EPHA6: variants seen among roughly 807,000 people sequenced by gnomAD.
EPHA6 encodes the protein EPH receptor A6.
In EPHA6, 50 loss-of-function variants were observed where a neutral mutation model predicts 112.0. The observed-to-expected ratio is 0.45, with a 90% CI of 0.36 to 0.56. EPHA6 has a LOEUF of 0.56. Ranked by LOEUF, EPHA6 falls within the 20% of genes least tolerant of loss-of-function variation. The pLI, the probability that EPHA6 is intolerant of heterozygous loss-of-function variation, is 0.00. For missense variants in EPHA6, 1,280 were observed against 1,417.4 expected (o/e 0.90, Z 1.56); for synonymous variants, 529 against 490.7 (o/e 1.08, Z -1.03).
intron 5 of EPHA6, among the ~76,000 whole-genome samples, chr3:97,342,617 T>A (rs1261297897): frequency 6.6e-6 from 1 of 152,226 alleles, no homozygotes; most frequent in Admixed American, 6.5e-5. Flanking sequence ...TATTTCCAGA[T>A]GGAGCATTTA....
chr3:96,876,954 A>G (rs564039262), intron 2 of EPHA6, among the ~76,000 whole-genome samples: 25 of 152,228 alleles, frequency 1.6e-4, no homozygotes, highest in African/African-American at 5.8e-4. Flanking sequence ...TTAAATGTCT[A>G]TCTTTTACCA....
At chr3:96,882,060 A>G (rs1397230679) in intron 2 of EPHA6, among the ~76,000 whole-genome samples, 2 of 152,116 alleles carry the variant, frequency 1.3e-5, no homozygotes, top group Non-Finnish European at 2.9e-5. Context: ...TTCCAGGTGT[A>G]TGGTCTTTCT....
intron 6 of EPHA6, among the ~76,000 whole-genome samples, chr3:97,438,761 G>T (rs1309596212): frequency 6.6e-6 from 1 of 152,126 alleles, no homozygotes; most frequent in African/African-American, 2.4e-5. Context: ...TTAAAAGAAA[G>T]AAACAATGCT....
chr3:97,640,865 C>T (rs187043977), intron 14 of EPHA6, among the ~76,000 whole-genome samples: 140 of 151,892 alleles, frequency 9.2e-4, no homozygotes, highest in African/African-American at 3.2e-3. Flanking sequence ...GCAGACAGAC[C>T]AGTTAGGCAT....
chr3:97,659,451 C>T (rs1476434176), intron 14 of EPHA6, among the ~76,000 whole-genome samples: 1 of 151,906 alleles, frequency 6.6e-6, no homozygotes, highest in Admixed American at 6.6e-5. Flanking sequence ...TCCCACAGGG[C>T]AAGAGGGCAA....
chr3:97,532,407 A>G lies in EPHA6; in HGVS notation c.2250A>G (p.Arg750=), dbSNP rs1205808459. 1 of 1,612,614 alleles carries G rather than the reference A, an allele frequency of 6.2e-7. No individual in the cohort carries two copies. The highest frequency in any genetic ancestry group is 8.5e-7 in the Non-Finnish European group (1 of 1,178,972). Residue 750 remains arginine (R), a synonymous_variant, in exon 11 of 18, where the codon AGA becomes AGG. Transcript: ENST00000389672. ...CSGRLKTPGK[R]EIPVAIKTLK... is the part of the protein sequence containing the mutation. ...GGCGTTTGAAGACACCAGGGAAAAGAGAGATCCCAGTTGCCATTAAAACTT... is the reference window on the plus strand; with the variant it reads ...GGCGTTTGAAGACACCAGGGAAAAGGGAGATCCCAGTTGCCATTAAAACTT...
At chr3:96,975,972 T>C (rs1372599249) in intron 2 of EPHA6, among the ~76,000 whole-genome samples, 1 of 152,106 alleles carries the variant, frequency 6.6e-6, no homozygotes, top group East Asian at 1.9e-4. Flanking sequence ...GATTGAGGAG[T>C]TGTAATGTTT....
At chr3:97,128,879 T>C (rs956187653) in intron 3 of EPHA6, among the ~76,000 whole-genome samples, 2 of 141,602 alleles carry the variant, frequency 1.4e-5, no homozygotes, top group African/African-American at 5.9e-5. Context: ...TGTCTTTTTT[T>C]TTTTTTTTTT....
chr3:97,104,191 G>A (rs1052375488), intron 3 of EPHA6, among the ~76,000 whole-genome samples: 1 of 152,108 alleles, frequency 6.6e-6, no homozygotes, highest in Non-Finnish European at 1.5e-5. Context: ...GTGTTGAATA[G>A]GAGTGGTGAG....
chr3:97,121,125 C>T (rs754093444), intron 3 of EPHA6, among the ~76,000 whole-genome samples: 3 of 151,958 alleles, frequency 2.0e-5, no homozygotes, highest in Non-Finnish European at 4.4e-5. Flanking sequence ...TTTCCTAAAG[C>T]ATGAAACCTG....
chr3:97,668,613 GA>G (rs1200760796), intron 14 of EPHA6, among the ~76,000 whole-genome samples: 3 of 152,000 alleles, frequency 2.0e-5, no homozygotes, highest in Non-Finnish European at 4.4e-5. Context: ...CCATTATGCT[GA>G]TTAAGTATCC....
chr3:97,368,067 T>G (rs1205866044), intron 5 of EPHA6, among the ~76,000 whole-genome samples: 2 of 152,182 alleles, frequency 1.3e-5, no homozygotes, highest in African/African-American at 4.8e-5. Context: ...GTTCTTTATT[T>G]GACAACATTA....
intron 15 of EPHA6, among the ~76,000 whole-genome samples, chr3:97,725,848 C>A (rs1441963432): frequency 1.3e-5 from 2 of 152,056 alleles, no homozygotes; most frequent in African/African-American, 2.4e-5. Flanking sequence ...TTAAGAGCCA[C>A]CGCTTTCTAG....
At chr3:97,285,643 C>G (rs2080438517) in intron 5 of EPHA6, among the ~76,000 whole-genome samples, 1 of 150,602 alleles carries the variant, frequency 6.6e-6, no homozygotes, top group South Asian at 2.1e-4. Context: ...AACATTGATT[C>G]CATATATTTG....
intron 10 of EPHA6, among the ~76,000 whole-genome samples, chr3:97,512,361 G>A (rs943241909): frequency 6.6e-6 from 1 of 152,092 alleles, no homozygotes; most frequent in East Asian, 1.9e-4. Flanking sequence ...CAAAGTATTT[G>A]TTGCTGTTAA....
intron 5 of EPHA6, among the ~76,000 whole-genome samples, chr3:97,304,304 G>A (rs1199856698): frequency 6.6e-6 from 1 of 151,862 alleles, no homozygotes; most frequent in Non-Finnish European, 1.5e-5. Context: ...GTGAGAAAGG[G>A]CATCCTTGTC....
intron 5 of EPHA6, among the ~76,000 whole-genome samples, chr3:97,364,743 A>T: frequency 6.6e-6 from 1 of 152,266 alleles, no homozygotes; most frequent in Non-Finnish European, 1.5e-5. Context: ...TTATTTTAGA[A>T]TATGTTTGGA....
At chr3:97,131,470 TG>T (rs1212704517) in intron 3 of EPHA6, among the ~76,000 whole-genome samples, 7 of 152,138 alleles carry the variant, frequency 4.6e-5, no homozygotes, top group Non-Finnish European at 8.8e-5. Flanking sequence ...AGGAGTTATT[TG>T]GTGCCAGATT....
At chr3:97,564,973 G>A (rs1022923225) in intron 11 of EPHA6, among the ~76,000 whole-genome samples, 2 of 152,092 alleles carry the variant, frequency 1.3e-5, no homozygotes, top group Non-Finnish European at 2.9e-5. Flanking sequence ...AATAGAAAAT[G>A]AAGGATGGAA....
Sources: gnomAD v4.1 joint callset for allele counts (sites outside exome capture counted in the v4.1 genomes callset) on GRCh38, gnomAD v4.1.1 for gene constraint, MANE v1.5 for transcripts, NCBI Gene and HGNC (gene_info 2026-07-23, HGNC 2026-07-21) for gene names.